OCA2: variants seen among roughly 807,000 people sequenced by gnomAD.
The protein encoded by OCA2 is P protein.
OCA2 carries 77 observed loss-of-function variants against 100.2 expected under a neutral mutation model. The observed-to-expected ratio is 0.77, with a 90% confidence interval of 0.64 to 0.93. The LOEUF (loss-of-function observed/expected upper bound fraction) is 0.93. Among genes scored for constraint, OCA2 ranks in the 40% least tolerant of loss-of-function variants. The pLI is 0.00. For synonymous variants in OCA2, 432 were observed against 439.2 expected (o/e 0.98, Z 0.21); for missense variants, 1,062 against 1,089.1 (o/e 0.98, Z 0.35).
chr15:27,830,824 C>G (rs1392970944), intron 23 of OCA2, among the ~76,000 whole-genome samples: 2 of 152,200 alleles, frequency 1.3e-5, no homozygotes, highest in Non-Finnish European at 2.9e-5. Flanking sequence ...GACTGGTTAA[C>G]AATCTCCCAG....
intron 23 of OCA2, among the ~76,000 whole-genome samples, chr15:27,821,712 CACAT>C (rs1326449185): frequency 6.6e-6 from 1 of 152,086 alleles, no homozygotes; most frequent in African/African-American, 2.4e-5. Flanking sequence ...ACACATAATA[CACAT>C]GCAGGCACAC....
intron 1 of OCA2, among the ~76,000 whole-genome samples, chr15:28,089,164 C>A (rs1346133922): frequency 6.6e-6 from 1 of 152,224 alleles, no homozygotes; most frequent in Non-Finnish European, 1.5e-5. Flanking sequence ...GGCCACCAGA[C>A]TTTAAGGTTA....
chr15:27,952,011 C>A (rs965484114), intron 17 of OCA2, 119 bp from the exon 18 acceptor site: 25 of 774,278 alleles, frequency 3.2e-5, no homozygotes, highest in Non-Finnish European at 5.7e-5. Context: ...TGTAACCTCT[C>A]GAACTTGAAA....
At chr15:28,067,223 T>C (rs2044051263) in intron 2 of OCA2, among the ~76,000 whole-genome samples, 1 of 152,208 alleles carries the variant, frequency 6.6e-6, no homozygotes, top group Non-Finnish European at 1.5e-5. Context: ...TCAATGCCAT[T>C]CCAATAAAAA....
At chr15:27,944,920 C>T (rs117736300) in intron 18 of OCA2, among the ~76,000 whole-genome samples, 1,734 of 152,260 alleles carry the variant, frequency 0.011, 17 homozygotes, top group Non-Finnish European at 0.016. Context: ...AAGAGGAACC[C>T]GCTGGACAGT....
chr15:27,814,933 T>C lies in OCA2; in HGVS notation c.2432+30026A>G, dbSNP rs987184259. Among the ~76,000 whole-genome samples the C allele has an allele frequency of 1.2e-4, 17 of 138,192 alleles. No individual in the cohort carries two copies. In the East Asian group the frequency reaches 1.6e-3, roughly 13 times the overall value. 90.7% of individuals were successfully genotyped at this position (138,192 alleles called of 152,430 possible). On this transcript the variant is annotated intron_variant, in intron 23 of 23. Transcript: ENST00000354638. ...ATAGATAGATAGATAGATAGATAGA[T>C]AGATAGATAGATACAGAGATATATA...
intron 1 of OCA2, among the ~76,000 whole-genome samples, chr15:28,094,278 C>T (rs534774039): frequency 6.6e-6 from 1 of 152,184 alleles, no homozygotes; most frequent in Non-Finnish European, 1.5e-5. Flanking sequence ...TGCACTCTCA[C>T]GGGAACCACA....
chr15:28,073,416 A>G (rs964071677), intron 2 of OCA2, among the ~76,000 whole-genome samples: 1 of 152,206 alleles, frequency 6.6e-6, no homozygotes, highest in South Asian at 2.1e-4. Flanking sequence ...CTCCATCTCA[A>G]AAAGAAAGAA....
intron 2 of OCA2, among the ~76,000 whole-genome samples, chr15:28,068,552 A>G (rs1231611527): frequency 2.0e-5 from 3 of 152,242 alleles, no homozygotes; most frequent in Non-Finnish European, 2.9e-5. Flanking sequence ...AAACTATTCC[A>G]AAAAATCAAG....
the OCA2 span, among the ~76,000 whole-genome samples, chr15:27,719,965 C>T: frequency 1.1e-4 from 16 of 152,280 alleles, no homozygotes; most frequent in South Asian, 3.1e-3. Flanking sequence ...TCTCCCAAAC[C>T]TTCCCCTCTC....
intron 23 of OCA2, among the ~76,000 whole-genome samples, chr15:27,835,959 A>G (rs947181055): frequency 2.6e-5 from 4 of 152,206 alleles, no homozygotes; most frequent in African/African-American, 7.2e-5. Flanking sequence ...AAATCACTAC[A>G]TGGTTAACTA....
chr15:27,871,108 T>C (rs779809173), intron 21 of OCA2, 46 bp downstream of exon 21: 12 of 1,394,126 alleles, frequency 8.6e-6, no homozygotes, highest in Non-Finnish European at 1.2e-5. Context: ...CCCCAGGCTA[T>C]GTCCAGGCTA....
chr15:27,995,847 C>G (rs1291900052), intron 9 of OCA2, among the ~76,000 whole-genome samples: 8 of 147,494 alleles, frequency 5.4e-5, no homozygotes, highest in Admixed American at 6.8e-5. Flanking sequence ...GAGTCTCGCT[C>G]TGTCACCCAG....
At chr15:27,829,279 T>TGATAGATA (rs56223349) in intron 23 of OCA2, among the ~76,000 whole-genome samples, 19,299 of 107,498 alleles carry the variant, frequency 0.18, 1,619 homozygotes, top group Non-Finnish European at 0.27. Context: ...AGAAGATAGA[T>TGATAGATA]GATAGATAGA....
At chr15:27,965,373 C>T (rs962923491) in intron 15 of OCA2, among the ~76,000 whole-genome samples, 1 of 152,196 alleles carries the variant, frequency 6.6e-6, no homozygotes, top group Non-Finnish European at 1.5e-5. Flanking sequence ...GTCCAGCCCC[C>T]AGGTAAGATG....
At chr15:27,907,577 G>GA (rs2038226256) in intron 19 of OCA2, among the ~76,000 whole-genome samples, 1 of 151,984 alleles carries the variant, frequency 6.6e-6, no homozygotes, top group South Asian at 2.1e-4. Context: ...TTGTTGTTTT[G>GA]AAAAAAATTA....
chr15:27,746,087 C>T, the OCA2 span, among the ~76,000 whole-genome samples: 24 of 152,216 alleles, frequency 1.6e-4, no homozygotes, highest in Non-Finnish European at 7.3e-5. Context: ...GTGCTTCAGG[C>T]CTTGGTCACT....
At chr15:27,894,193 ACT>A (rs1390322426) in intron 19 of OCA2, among the ~76,000 whole-genome samples, 3 of 152,162 alleles carry the variant, frequency 2.0e-5, no homozygotes, top group Admixed American at 6.5e-5. Context: ...GTTCCCCAAT[ACT>A]GTTTCACTAG....
At chr15:27,862,072 C>T (rs978922870) in intron 21 of OCA2, among the ~76,000 whole-genome samples, 3 of 152,186 alleles carry the variant, frequency 2.0e-5, no homozygotes, top group African/African-American at 7.2e-5. Context: ...CTCAAGTCCT[C>T]ATGGAGAGAA....
Sources: allele counts gnomAD v4.1 joint callset (sites outside exome capture counted in the v4.1 genomes callset), GRCh38; gene constraint gnomAD v4.1.1; transcripts MANE v1.5; gene names NCBI Gene and HGNC (gene_info 2026-07-23, HGNC 2026-07-21).